TMEM132D: variants seen among roughly 807,000 people sequenced by gnomAD.
TMEM132D encodes transmembrane protein 132D.
In TMEM132D, 21 loss-of-function variants were observed where a neutral mutation model predicts 62.3. The ratio of observed to expected loss-of-function variants is 0.34; its 90% CI spans 0.24 to 0.49. The LOEUF (loss-of-function observed/expected upper bound fraction) is 0.49. Among genes scored for constraint, TMEM132D ranks in the 20% least tolerant of loss-of-function variants. TMEM132D has a pLI of 0.99. For synonymous variants in TMEM132D, 621 were observed against 575.6 expected, an observed-to-expected ratio of 1.08 and a Z score of -1.13; for missense variants, 1,346 against 1,402.8, an observed-to-expected ratio of 0.96 and a Z score of 0.65.
chr12:129,514,866 T>A (rs1875626786), intron 3 of TMEM132D, among the ~76,000 whole-genome samples: 1 of 152,146 alleles, frequency 6.6e-6, no homozygotes, highest in Admixed American at 6.5e-5. Context: ...ACTGTTCCTA[T>A]GGGAAAATAG....
intron 3 of TMEM132D, among the ~76,000 whole-genome samples, chr12:129,434,759 A>G (rs751076855): frequency 1.3e-5 from 2 of 152,174 alleles, no homozygotes; most frequent in African/African-American, 2.4e-5. Flanking sequence ...AAATCAGAGT[A>G]ATTAGCATAT....
intron 2 of TMEM132D, among the ~76,000 whole-genome samples, chr12:129,638,844 C>A (rs912672888): frequency 6.6e-6 from 1 of 151,954 alleles, no homozygotes; most frequent in Non-Finnish European, 1.5e-5. Flanking sequence ...TAATTAACAC[C>A]AAAGGTGGCC....
At chr12:129,603,537 A>G (rs1395935493) in intron 2 of TMEM132D, among the ~76,000 whole-genome samples, 1 of 152,198 alleles carries the variant, frequency 6.6e-6, no homozygotes, top group Admixed American at 6.5e-5. Context: ...TCAACAGAAG[A>G]CATTTATGTG....
intron 4 of TMEM132D, among the ~76,000 whole-genome samples, chr12:129,334,821 C>G (rs1289074661): frequency 1.3e-5 from 2 of 152,092 alleles, no homozygotes; most frequent in Admixed American, 6.6e-5. Flanking sequence ...AACTCCTGAC[C>G]TCAGGTGATC....
At chr12:129,470,239 TCA>T (rs1874054648) in intron 3 of TMEM132D, among the ~76,000 whole-genome samples, 1 of 152,216 alleles carries the variant, frequency 6.6e-6, no homozygotes, top group African/African-American at 2.4e-5. Context: ...ATGATAAACT[TCA>T]CAGACAATTC....
rs566199428 is a variant in TMEM132D, at chr12:129,750,148, C to T, written c.80-49450G>A. ...TCACCCAGCCTGGAGTGCAGTGGTG[C>T]GATCTCGGCTCCCTGCATGCTCCAC... is the stretch of plus-strand genomic sequence containing the variant. On this transcript the variant is annotated intron_variant, in intron 1 of 8. Coordinates refer to ENST00000422113, the MANE Select transcript of TMEM132D (RefSeq NM_133448.3). 1.2e-3 allele frequency among the ~76,000 whole-genome samples: 181 copies of T among 151,922 alleles called. 1 individual carries two copies. Among genetic ancestry groups the T allele is most frequent in the Non-Finnish European group, 1.4e-3 (95 of 67,998 alleles).
chr12:129,323,912 A>ATT (rs3884224), intron 4 of TMEM132D, among the ~76,000 whole-genome samples: 13,565 of 150,230 alleles, frequency 0.09, 805 homozygotes, highest in Non-Finnish European at 0.13. Context: ...AGTAGGTTTT[A>ATT]TTTTTTTTTT....
At position 129,246,851 on chromosome 12, in the gene TMEM132D, G is replaced by C. The variant is rs558881546; in HGVS notation, c.1300-37188C>G. Reference sequence around the variant, plus strand: ...ATGTAAGACAGACATATCTTCTGTGGCAATAGGAAAAAGTTACATACCCAA... The same window carrying C: ...ATGTAAGACAGACATATCTTCTGTGCCAATAGGAAAAAGTTACATACCCAA... On this transcript the variant is annotated intron_variant, in intron 4 of 8. Transcript: ENST00000422113. Among the ~76,000 whole-genome samples the C allele has an allele frequency of 6.5e-4, 99 of 152,150 alleles. 1 individual carries two copies. In the South Asian group the frequency reaches 0.02, roughly 31 times the overall value.
chr12:129,716,440 T>C (rs1353500677), intron 1 of TMEM132D, among the ~76,000 whole-genome samples: 2 of 152,170 alleles, frequency 1.3e-5, no homozygotes, highest in Non-Finnish European at 2.9e-5. Context: ...TCTGAACAAG[T>C]AGTTAAATTA....
chr12:129,435,565 C>T (rs1160091299), intron 3 of TMEM132D, among the ~76,000 whole-genome samples: 3 of 152,124 alleles, frequency 2.0e-5, no homozygotes, highest in African/African-American at 7.2e-5. Context: ...CCTTGATGAT[C>T]AGCCAGGTAA....
chr12:129,387,035 T>C (rs1179174844), intron 3 of TMEM132D, among the ~76,000 whole-genome samples: 1 of 151,754 alleles, frequency 6.6e-6, no homozygotes, highest in Non-Finnish European at 1.5e-5. Flanking sequence ...ACACTAACAG[T>C]AGTACTATGT....
chr12:129,439,123 A>G (rs551427485), intron 3 of TMEM132D, among the ~76,000 whole-genome samples: 2 of 152,206 alleles, frequency 1.3e-5, no homozygotes, highest in Non-Finnish European at 2.9e-5. Context: ...GGAGCCAGGT[A>G]GAAAAGAGAG....
chr12:129,077,175 G>A (rs1874288437), intron 8 of TMEM132D, among the ~76,000 whole-genome samples: 1 of 152,204 alleles, frequency 6.6e-6, no homozygotes, highest in Non-Finnish European at 1.5e-5. Flanking sequence ...GTCCAGTGTG[G>A]CACTCCTGCC....
intron 1 of TMEM132D, among the ~76,000 whole-genome samples, chr12:129,894,615 C>A (rs1312783461): frequency 6.6e-6 from 1 of 152,208 alleles, no homozygotes; most frequent in Non-Finnish European, 1.5e-5. Flanking sequence ...TGAGGATATT[C>A]CACATCCATA....
chr12:129,572,111 C>G (rs1413946387), intron 2 of TMEM132D, among the ~76,000 whole-genome samples: 5 of 152,226 alleles, frequency 3.3e-5, no homozygotes, highest in Admixed American at 6.5e-5. Context: ...TGGGTGACAA[C>G]GGGCCTCACT....
chr12:129,693,774 A>G (rs997691810), intron 2 of TMEM132D, among the ~76,000 whole-genome samples: 1 of 152,196 alleles, frequency 6.6e-6, no homozygotes, highest in Non-Finnish European at 1.5e-5. Context: ...CTCTTTGCTT[A>G]TTATAATAGT....
At chr12:129,257,236 T>TCA (rs917707604) in intron 4 of TMEM132D, among the ~76,000 whole-genome samples, 3 of 143,358 alleles carry the variant, frequency 2.1e-5, no homozygotes, top group African/African-American at 7.9e-5. Context: ...AGATAGAGTC[T>TCA]CACTCTGTCG....
chr12:129,572,276 G>T (rs117600782), intron 2 of TMEM132D, among the ~76,000 whole-genome samples: 6 of 152,350 alleles, frequency 3.9e-5, no homozygotes, highest in African/African-American at 1.4e-4. Context: ...GAATAAGGTC[G>T]TGCTGCCTTG....
intron 4 of TMEM132D, among the ~76,000 whole-genome samples, chr12:129,234,349 T>A (rs1040883785): frequency 1.6e-4 from 24 of 152,336 alleles, no homozygotes; most frequent in Non-Finnish European, 5.9e-5. Flanking sequence ...TTCTTAGAAT[T>A]GACGTGCAAG....
Sources: gnomAD v4.1 joint callset for allele counts (sites outside exome capture counted in the v4.1 genomes callset) on GRCh38, gnomAD v4.1.1 for gene constraint, MANE v1.5 for transcripts, NCBI Gene and HGNC (gene_info 2026-07-23, HGNC 2026-07-21) for gene names.